OPCML: variants seen among roughly 807,000 people sequenced by gnomAD.
OPCML encodes opioid binding protein/cell adhesion molecule like.
A neutral mutation model predicts 37.8 loss-of-function variants in OPCML; 13 were observed. The observed-to-expected ratio is 0.34, with a 90% CI of 0.22 to 0.55. The LOEUF (loss-of-function observed/expected upper bound fraction) is 0.55, where lower values mean the gene tolerates loss of function less well. OPCML is among the 20% of genes least tolerant of loss of function. The pLI is 0.91. For synonymous variants in OPCML, 176 were observed against 168.8 expected, an observed-to-expected ratio of 1.04 and a Z score of -0.33; for missense variants, 341 against 435.6, an observed-to-expected ratio of 0.78 and a Z score of 1.93.
intron 4 of OPCML, among the ~76,000 whole-genome samples, chr11:132,475,840 C>A (rs778559939): frequency 6.6e-6 from 1 of 152,180 alleles, no homozygotes; most frequent in East Asian, 1.9e-4. Flanking sequence ...CTATTGAATT[C>A]AAATGTACGT....
chr11:132,551,725 G>A (rs4936171), intron 3 of OPCML, among the ~76,000 whole-genome samples: 73,945 of 151,938 alleles, frequency 0.49, 18,293 homozygotes, highest in East Asian at 0.68. Flanking sequence ...GACACAATTT[G>A]TCAGCACTCT....
At chr11:133,048,061 G>T (rs374400106) in intron 1 of OPCML, among the ~76,000 whole-genome samples, 2 of 152,024 alleles carry the variant, frequency 1.3e-5, no homozygotes, top group South Asian at 2.1e-4. Flanking sequence ...CACTCTCATC[G>T]GGCTTGAGGA....
chr11:132,883,365 G>T (rs1433997990), intron 2 of OPCML, among the ~76,000 whole-genome samples: 1 of 152,130 alleles, frequency 6.6e-6, no homozygotes, highest in Non-Finnish European at 1.5e-5. Flanking sequence ...ACAGACAGGT[G>T]AATTAGGAAC....
chr11:133,159,310 ACGATGTATGC>A (rs1004239345), intron 1 of OPCML, among the ~76,000 whole-genome samples: 1 of 152,168 alleles, frequency 6.6e-6, no homozygotes, highest in African/African-American at 2.4e-5. Flanking sequence ...TCCCTGGGGC[ACGATGTATGC>A]CTCAGTCAGG....
chr11:132,978,990 A>T (rs1289054211), intron 1 of OPCML, among the ~76,000 whole-genome samples: 1 of 152,176 alleles, frequency 6.6e-6, no homozygotes, highest in East Asian at 1.9e-4. Flanking sequence ...CATGTTTCAC[A>T]TCGCAACAAA....
chr11:132,664,483 T>C (rs1402282911), intron 2 of OPCML, among the ~76,000 whole-genome samples: 2 of 152,234 alleles, frequency 1.3e-5, no homozygotes, highest in African/African-American at 2.4e-5. Context: ...GCCTTTTTCA[T>C]AAATTGAGAG....
intron 2 of OPCML, among the ~76,000 whole-genome samples, chr11:132,894,735 C>G (rs1156376082): frequency 6.6e-6 from 1 of 152,132 alleles, no homozygotes; most frequent in African/African-American, 2.4e-5. Flanking sequence ...TTTCCTGGAG[C>G]TTGGATACAC....
chr11:132,569,652 C>A (rs967818192), intron 3 of OPCML, among the ~76,000 whole-genome samples: 1 of 152,070 alleles, frequency 6.6e-6, no homozygotes, highest in African/African-American at 2.4e-5. Context: ...AATTAAACTT[C>A]AATATAGTCC....
At chr11:132,799,886 T>G (rs914074038) in intron 2 of OPCML, among the ~76,000 whole-genome samples, 11 of 152,214 alleles carry the variant, frequency 7.2e-5, no homozygotes, top group African/African-American at 2.7e-4. Context: ...TAGTCACTTG[T>G]AAAGTTCATT....
At chr11:133,115,406 C>G (rs138316239) in intron 1 of OPCML, among the ~76,000 whole-genome samples, 2 of 152,118 alleles carry the variant, frequency 1.3e-5, no homozygotes, top group Non-Finnish European at 2.9e-5. Flanking sequence ...TCCGAGGAAC[C>G]GATCTCCCCG....
chr11:132,691,259 AT>A (rs1281806874), intron 2 of OPCML, among the ~76,000 whole-genome samples: 1 of 152,186 alleles, frequency 6.6e-6, no homozygotes, highest in Non-Finnish European at 1.5e-5. Flanking sequence ...GCAAGAAGAT[AT>A]TTTTGCTCAC....
chr11:133,092,724 AAAAC>A (rs1192509939), intron 1 of OPCML, among the ~76,000 whole-genome samples: 5 of 152,138 alleles, frequency 3.3e-5, no homozygotes, highest in South Asian at 4.1e-4. Flanking sequence ...AGACTGTCTC[AAAAC>A]AAACAAACAA....
At chr11:133,070,958 G>A (rs1041457860) in intron 1 of OPCML, among the ~76,000 whole-genome samples, 1 of 152,188 alleles carries the variant, frequency 6.6e-6, no homozygotes, top group African/African-American at 2.4e-5. Context: ...TCTCCAGCAA[G>A]CCAGGCAAGG....
At chr11:133,026,616 T>C in intron 1 of OPCML, 1 of 980,286 alleles carries the variant, frequency 1.0e-6, no homozygotes, top group Non-Finnish European at 1.2e-6. Flanking sequence ...ATTTTCATAG[T>C]GCTTTCTCTC....
chr11:132,609,502 C>T (rs1177633528), intron 3 of OPCML, among the ~76,000 whole-genome samples: 1 of 152,100 alleles, frequency 6.6e-6, no homozygotes, highest in African/African-American at 2.4e-5. Context: ...CCAAGCAACC[C>T]ACATTTACCC....
At chr11:133,142,644 T>C (rs1949839703) in intron 1 of OPCML, among the ~76,000 whole-genome samples, 1 of 152,198 alleles carries the variant, frequency 6.6e-6, no homozygotes, top group East Asian at 1.9e-4. Context: ...TAGGTTCTCA[T>C]GCTTTTTGCT....
intron 1 of OPCML, among the ~76,000 whole-genome samples, chr11:132,946,392 A>G (rs1377410149): frequency 6.6e-6 from 1 of 152,184 alleles, no homozygotes; most frequent in African/African-American, 2.4e-5. Context: ...AGTCGTTTAT[A>G]TTGTTATCAA....
intron 3 of OPCML, among the ~76,000 whole-genome samples, chr11:132,587,742 C>T (rs531984427): frequency 6.6e-6 from 1 of 152,290 alleles, no homozygotes; most frequent in Non-Finnish European, 1.5e-5. Flanking sequence ...TAAAGCTCCT[C>T]CCCTAATGGA....
chr11:132,456,772 AT>A (rs1268102104), intron 4 of OPCML, among the ~76,000 whole-genome samples: 1 of 152,368 alleles, frequency 6.6e-6, no homozygotes, highest in East Asian at 1.9e-4. Context: ...TCTATTGAGT[AT>A]TGTTCAACAT....
Sources: allele counts gnomAD v4.1 joint callset (sites outside exome capture counted in the v4.1 genomes callset), GRCh38; gene constraint gnomAD v4.1.1; transcripts MANE v1.5; gene names NCBI Gene and HGNC (gene_info 2026-07-23, HGNC 2026-07-21).